The following TGFA variants were observed in gnomAD, a reference collection of about 807,000 sequenced individuals.
TGFA encodes protransforming growth factor alpha.
Under a neutral mutation model 21.7 loss-of-function variants are expected in TGFA, and 12 were observed. The observed-to-expected ratio is 0.55, with a 90% CI of 0.35 to 0.90. The LOEUF (loss-of-function observed/expected upper bound fraction) is 0.90. TGFA is among the 40% of genes least tolerant of loss of function. The probability of loss-of-function intolerance (pLI) is 0.01; values close to 1 mark genes in which losing one functional copy is unlikely to be tolerated. For synonymous variants in TGFA, 79 were observed against 88.1 expected (o/e 0.90, Z 0.58); for missense variants, 178 against 210.8 (o/e 0.84, Z 0.96).
At chr2:70,534,203 G>A (rs577348987) in intron 1 of TGFA, among the ~76,000 whole-genome samples, 1 of 152,358 alleles carries the variant, frequency 6.6e-6, no homozygotes, top group South Asian at 2.1e-4. Flanking sequence ...CAGTGGAAAT[G>A]CCTGTGCTTT....
chr2:70,514,080 C>G (rs1282660736), intron 2 of TGFA, among the ~76,000 whole-genome samples: 1 of 152,184 alleles, frequency 6.6e-6, no homozygotes, highest in Non-Finnish European at 1.5e-5. Flanking sequence ...ACTAGAGCCA[C>G]CGTAAATATC....
At chr2:70,459,927 C>T (rs1670361469) in intron 3 of TGFA, among the ~76,000 whole-genome samples, 1 of 152,224 alleles carries the variant, frequency 6.6e-6, no homozygotes, top group Non-Finnish European at 1.5e-5. Context: ...ATCATTGGGA[C>T]TCCAGGTCAT....
chr2:70,456,384 GA>G lies in TGFA; in HGVS notation c.319del (p.Ser107ProfsTer14). 6.3e-7 allele frequency: 1 copy of G among 1,577,668 alleles called. No individual in the cohort carries two copies. Among genetic ancestry groups the G allele is most frequent in the Non-Finnish European group, 8.6e-7 (1 of 1,161,524 alleles). On this transcript the variant is annotated frameshift_variant, in exon 4 of 6. Transcript: ENST00000295400. LOFTEE classifies it high-confidence loss of function. Reference sequence around the variant, plus strand: ...GATAAGGACAGCCAGGGCCACGATGGAGACCACCACCAAGGCGGTGATGGCC... The same window carrying G: ...GATAAGGACAGCCAGGGCCACGATGGGACCACCACCAAGGCGGTGATGGCC... ...KQAITALVVV[S>X]IVALAVLIIT...
At chr2:70,467,208 A>C (rs1195403553) in intron 2 of TGFA, among the ~76,000 whole-genome samples, 2 of 152,224 alleles carry the variant, frequency 1.3e-5, no homozygotes, top group African/African-American at 4.8e-5. Flanking sequence ...AAATTAAATA[A>C]TTTTAAAAAA....
rs367991193 is a variant in TGFA at position 70,507,208 on chromosome 2, C to T, written c.94+7651G>A. 4.1e-4 allele frequency among the ~76,000 whole-genome samples: 62 copies of T among 152,328 alleles called. 1 individual carries two copies. In the South Asian group the frequency reaches 0.011, roughly 27 times the overall value. ...AGGTGCAGTCACTGGACTGCAAGGC[C>T]GAGGCAGCCTGCACTCAGTGCACAC... On this transcript the variant is annotated intron_variant, in intron 2 of 5. Transcript: ENST00000295400.
chr2:70,534,275 G>A (rs1672907286), intron 1 of TGFA, among the ~76,000 whole-genome samples: 1 of 152,246 alleles, frequency 6.6e-6, no homozygotes, highest in South Asian at 2.1e-4. Context: ...CCAGCTATTA[G>A]CAACTGTGCT....
At chr2:70,502,535 G>A (rs537894383) in intron 2 of TGFA, among the ~76,000 whole-genome samples, 1 of 152,096 alleles carries the variant, frequency 6.6e-6, no homozygotes, top group South Asian at 2.1e-4. Context: ...TGGCCAGGCT[G>A]GTCTTGAACT....
At position 70,504,858 on chromosome 2, in the gene TGFA, G is replaced by A. The variant is rs114261312; in HGVS notation, c.94+10001C>T. Among the ~76,000 whole-genome samples, 907 of 152,284 alleles carry A rather than the reference G, an allele frequency of 6.0e-3. 2 individuals are homozygous for A. Among genetic ancestry groups the A allele is most frequent in the South Asian group, 0.019 (92 of 4,826 alleles). On this transcript the variant is annotated intron_variant, in intron 2 of 5. Transcript: ENST00000295400. ...GTGTATGTTTTTGAAGCATAGTGGT[G>A]AAGTGCTTAGAATTCTGCAGCCAGT...
intron 2 of TGFA, among the ~76,000 whole-genome samples, chr2:70,479,037 T>C (rs1671025945): frequency 6.6e-6 from 1 of 152,216 alleles, no homozygotes; most frequent in African/African-American, 2.4e-5. Flanking sequence ...TGATTTCATA[T>C]CCTCATTATT....
At chr2:70,549,679 G>C (rs1022376465) in intron 1 of TGFA, among the ~76,000 whole-genome samples, 2 of 152,194 alleles carry the variant, frequency 1.3e-5, no homozygotes, top group African/African-American at 4.8e-5. Context: ...TTAGAGGGCA[G>C]TGCAAAGAGT....
At chr2:70,484,730 C>T (rs1471877723) in intron 2 of TGFA, among the ~76,000 whole-genome samples, 2 of 152,168 alleles carry the variant, frequency 1.3e-5, no homozygotes, top group Admixed American at 1.3e-4. Flanking sequence ...ATAGAATCTG[C>T]CATTCCTGAT....
intron 1 of TGFA, among the ~76,000 whole-genome samples, chr2:70,522,284 G>A (rs1211709224): frequency 6.6e-6 from 1 of 152,156 alleles, no homozygotes; most frequent in Non-Finnish European, 1.5e-5. Flanking sequence ...TAGTGAGGGT[G>A]TACAGATGGG....
chr2:70,509,192 C>G (rs1672019534), intron 2 of TGFA, among the ~76,000 whole-genome samples: 1 of 152,146 alleles, frequency 6.6e-6, no homozygotes. Flanking sequence ...AAAACATGAG[C>G]CTTCTAATTT....
At chr2:70,516,820 C>T (rs1342090459) in intron 1 of TGFA, among the ~76,000 whole-genome samples, 3 of 152,258 alleles carry the variant, frequency 2.0e-5, no homozygotes, top group East Asian at 1.9e-4. Flanking sequence ...AGGATGACAC[C>T]GGGGATGCTT....
At chr2:70,511,588 A>G (rs1672100937) in intron 2 of TGFA, among the ~76,000 whole-genome samples, 1 of 151,994 alleles carries the variant, frequency 6.6e-6, no homozygotes, top group African/African-American at 2.4e-5. Context: ...AGGATCTAAC[A>G]AAAAGGAATC....
At chr2:70,499,236 G>A (rs573406991) in intron 2 of TGFA, among the ~76,000 whole-genome samples, 15 of 152,274 alleles carry the variant, frequency 9.9e-5, no homozygotes, top group South Asian at 6.2e-4. Flanking sequence ...AGGCCTTCCC[G>A]GTCTCCTTGG....
chr2:70,530,898 G>C (rs1428135310), intron 1 of TGFA, among the ~76,000 whole-genome samples: 2 of 152,306 alleles, frequency 1.3e-5, no homozygotes, highest in East Asian at 3.9e-4. Context: ...TCTCCTCTAG[G>C]TTTCTATGCC....
chr2:70,546,991 A>G (rs562401105), intron 1 of TGFA, among the ~76,000 whole-genome samples: 1 of 152,364 alleles, frequency 6.6e-6, no homozygotes, highest in South Asian at 2.1e-4. Flanking sequence ...CTTACAAACA[A>G]TTCAATAGTC....
At chr2:70,524,834 A>C (rs1483355662) in intron 1 of TGFA, among the ~76,000 whole-genome samples, 4 of 152,210 alleles carry the variant, frequency 2.6e-5, no homozygotes, top group Non-Finnish European at 4.4e-5. Flanking sequence ...GCTGACAAGA[A>C]GTACAGGAAC....
Sources: allele counts gnomAD v4.1 joint callset (sites outside exome capture counted in the v4.1 genomes callset), GRCh38; gene constraint gnomAD v4.1.1; transcripts MANE v1.5; gene names NCBI Gene and HGNC (gene_info 2026-07-23, HGNC 2026-07-21).